Variants in RPTOR observed in about 807,000 individuals in gnomAD.
RPTOR encodes regulatory-associated protein of mTOR.
Under a neutral mutation model 169.9 loss-of-function variants are expected in RPTOR, and 21 were observed. The ratio of observed to expected loss-of-function variants is 0.12; its 90% confidence interval spans 0.09 to 0.18. The LOEUF (loss-of-function observed/expected upper bound fraction) is 0.18. RPTOR is among the 10% of genes least tolerant of loss of function. The pLI is 1.00. For missense variants in RPTOR, 1,133 were observed against 1,855.9 expected, an observed-to-expected ratio of 0.61 and a Z score of 7.16; for synonymous variants, 732 against 753.2, an observed-to-expected ratio of 0.97 and a Z score of 0.46.
At position 80,609,329 on chromosome 17, in the gene RPTOR, C is replaced by T. The variant is rs11655832; in HGVS notation, c.163-16362C>T. 1.1e-3 allele frequency among the ~76,000 whole-genome samples: 167 copies of T among 152,320 alleles called. No homozygotes were observed. The highest frequency in any genetic ancestry group is 6.8e-3 in the Middle Eastern group (2 of 294). On this transcript the variant is annotated intron_variant, in intron 1 of 33. Transcript: ENST00000306801. The surrounding 1 kb of genome is among the most constrained non-coding windows in gnomAD (Gnocchi z 4.8). ...AAACGTTCTAGCTGTTAATATTCTT[C>T]CTTCTGGCAGATGGTGGGTTTCACA... is the stretch of plus-strand genomic sequence containing the variant.
intron 17 of RPTOR, among the ~76,000 whole-genome samples, chr17:80,885,703 G>A (rs932943214): frequency 3.9e-5 from 6 of 151,946 alleles, no homozygotes; most frequent in East Asian, 1.9e-4. Flanking sequence ...CACCACACTC[G>A]GCTAATTTTT....
intron 9 of RPTOR, 142 bp from the exon 10 acceptor site, chr17:80,837,780 A>G: frequency 2.6e-6 from 2 of 766,254 alleles, no homozygotes; most frequent in South Asian, 3.0e-5. Context: ...TGAAACCGTA[A>G]ACATGCCCCC....
rs1281520394 is a variant in RPTOR, at chr17:80,860,791, G to A, written c.1509+2891G>A. 1.3e-5 allele frequency among the ~76,000 whole-genome samples: 2 copies of A among 151,946 alleles called. No individual in the cohort carries two copies. Among genetic ancestry groups the A allele is most frequent in the African/African-American group, 4.8e-5 (2 of 41,346 alleles). ...AGAAGCAGCTTCCAGCCCCTCTTCC[G>A]GTTCTGGGATCTCTCACTCTTTTTC... On this transcript the variant is annotated intron_variant, in intron 13 of 33. Coordinates refer to ENST00000306801, the MANE Select transcript of RPTOR (RefSeq NM_020761.3). This position sits in a 1 kb window ranked among gnomAD's most constrained non-coding sequence, Gnocchi z 5.8.
intron 21 of RPTOR, among the ~76,000 whole-genome samples, chr17:80,916,586 G>C (rs1365739238): frequency 2.0e-5 from 3 of 152,252 alleles, no homozygotes; most frequent in Non-Finnish European, 4.4e-5. Context: ...GTGGGTCCAA[G>C]TAAAAACTCG....
At chr17:80,963,119 G>T in intron 33 of RPTOR, 62 bp downstream of exon 33, 1 of 1,376,340 alleles carries the variant, frequency 7.3e-7, no homozygotes, top group East Asian at 2.5e-5. Flanking sequence ...TGGGAGGCAA[G>T]GGGACAAGGC....
In RPTOR at chr17:80,960,053, C is replaced by G. The variant is rs902566558; in HGVS notation, c.3478-25C>G. The G allele has an allele frequency of 2.5e-6, 4 of 1,611,924 alleles. No homozygotes were observed. Among genetic ancestry groups the G allele is most frequent in the Non-Finnish European group, 3.4e-6 (4 of 1,179,124 alleles). On this transcript the variant is annotated intron_variant, in intron 29 of 33. Coordinates refer to ENST00000306801, the MANE Select transcript of RPTOR (RefSeq NM_020761.3). This position sits in a 1 kb window ranked among gnomAD's most constrained non-coding sequence, Gnocchi z 4.8. The stretch of plus-strand genomic sequence containing the variant: ...GGGTGGCTCGGTGCCCCGGTCTTCA[C>G]CGGGCTGCCTGTGTTTGGCTCTAGG...
chr17:80,839,424 G>C (rs777870529), intron 10 of RPTOR, among the ~76,000 whole-genome samples: 1 of 152,150 alleles, frequency 6.6e-6, no homozygotes, highest in African/African-American at 2.4e-5. Context: ...CCCCATCTTT[G>C]TATTCATGGG....
chr17:80,793,219 T>C (rs1421577021), intron 7 of RPTOR, among the ~76,000 whole-genome samples: 1 of 152,232 alleles, frequency 6.6e-6, no homozygotes, highest in Admixed American at 6.5e-5. Context: ...CCAAAAAACT[T>C]AACTGGTAAG....
Position 80,841,251 on chromosome 17 carries a change from T to A in RPTOR, c.1212+3254T>A, listed in dbSNP as rs1184517546. On this transcript the variant is annotated intron_variant, in intron 10 of 33. Transcript: ENST00000306801. Reference sequence around the variant, plus strand: ...TCACTCTCACCGCACGGCAGCTCACTCTCACCGCACCGCAGCTCACTCTCA... The same window carrying A: ...TCACTCTCACCGCACGGCAGCTCACACTCACCGCACCGCAGCTCACTCTCA... Among the ~76,000 whole-genome samples, 113 of 45,084 alleles carry A rather than the reference T, an allele frequency of 2.5e-3. 1 individual carries two copies. The highest frequency in any genetic ancestry group is 4.2e-3 in the Non-Finnish European group (92 of 21,692). The allele number at this position is 45,084 out of a possible 152,430, so 29.6% of individuals were successfully genotyped here. A position where few individuals can be genotyped will look rare whatever the true frequency, so the allele number is the denominator to read the frequency against.
chr17:80,568,658 A>C lies in RPTOR; in HGVS notation c.162+22867A>C, dbSNP rs139589645. On this transcript the variant is annotated intron_variant, in intron 1 of 33. Transcript: ENST00000306801. ...CTGCCATTATTTTTCCAGTTTTCCT[A>C]TCTCTCCCCTTGTTCCTCCTCAATC... Among the ~76,000 whole-genome samples the C allele has an allele frequency of 2.0e-5, 3 of 152,164 alleles. No homozygotes were observed. In the East Asian group the frequency reaches 5.8e-4, roughly 29 times the overall value.
At chr17:80,799,928 G>C (rs1489388928) in intron 7 of RPTOR, among the ~76,000 whole-genome samples, 1 of 152,226 alleles carries the variant, frequency 6.6e-6, no homozygotes, top group Non-Finnish European at 1.5e-5. Context: ...CCATGCCCAT[G>C]TGTCCTTGCC....
rs111956900 is a variant in RPTOR at position 80,925,223 on chromosome 17, G to A, written c.2809-147G>A. The A allele has an allele frequency of 2.1e-4, 134 of 648,668 alleles. 3 individuals are homozygous for A. The African/African-American group carries it at 2.1e-3, about 10-fold the overall frequency. 40.2% of individuals were successfully genotyped at this position (648,668 alleles called of 1,614,324 possible). ...TTCTTGGTCACCAGGATACGGAAGT[G>A]AGCAGAGCACAGAAGTGCCGTCCTT... On this transcript the variant is annotated intron_variant, in intron 23 of 33. Transcript: ENST00000306801.
rs117165611 is a variant in RPTOR at position 80,824,818 on chromosome 17, G to T, written c.1136+1595G>T. 7.2e-5 allele frequency among the ~76,000 whole-genome samples: 11 copies of T among 152,346 alleles called. No individual in the cohort carries two copies. In the South Asian group the frequency reaches 2.3e-3, roughly 32 times the overall value. ...CCTCCTATCTGATGTGCTCAGCTGC[G>T]CAGAGTTAAAGACAGTGACATCACA... is the stretch of plus-strand genomic sequence containing the variant. On this transcript the variant is annotated intron_variant, in intron 9 of 33. Coordinates refer to ENST00000306801, the MANE Select transcript of RPTOR (RefSeq NM_020761.3).
intron 1 of RPTOR, among the ~76,000 whole-genome samples, chr17:80,615,249 C>T (rs1010137125): frequency 3.6e-4 from 55 of 152,120 alleles, no homozygotes; most frequent in Non-Finnish European, 1.6e-4. Flanking sequence ...GACCTGCCAC[C>T]GCCTCCTGAA....
In RPTOR at chr17:80,936,860, T is replaced by C. The variant is rs545092315; in HGVS notation, c.2920-3636T>C. Among the ~76,000 whole-genome samples, 5 of 152,346 alleles carry C rather than the reference T, an allele frequency of 3.3e-5. No individual in the cohort carries two copies. The South Asian group carries it at 1.0e-3, about 32-fold the overall frequency. ...GCAAGCTCCGAGCTTCATTCAGAGC[T>C]TCTCCCCCCTCCACAGCTTGGCGAT... On this transcript the variant is annotated intron_variant, in intron 24 of 33. Coordinates refer to ENST00000306801, the MANE Select transcript of RPTOR (RefSeq NM_020761.3). The surrounding 1 kb of genome is among the most constrained non-coding windows in gnomAD (Gnocchi z 4.1).
At chr17:80,943,671 C>T (rs2069062134) in intron 25 of RPTOR, among the ~76,000 whole-genome samples, 1 of 152,116 alleles carries the variant, frequency 6.6e-6, no homozygotes, top group Non-Finnish European at 1.5e-5. Flanking sequence ...CCACTCCCCA[C>T]AGGGAAGACT....
Position 80,756,462 on chromosome 17 carries a change from G to A in RPTOR, c.830+2277G>A, listed in dbSNP as rs146640698. On this transcript the variant is annotated intron_variant, in intron 6 of 33. Coordinates refer to ENST00000306801, the MANE Select transcript of RPTOR (RefSeq NM_020761.3). ...TTACGGTTAACAGAAATAATTTATTGGATATTTCAAAATAGCTTGGAGAGA... is the reference window on the plus strand; with the variant it reads ...TTACGGTTAACAGAAATAATTTATTAGATATTTCAAAATAGCTTGGAGAGA... 1.7e-4 allele frequency among the ~76,000 whole-genome samples: 26 copies of A among 152,298 alleles called. No individual in the cohort carries two copies. In the East Asian group the frequency reaches 4.6e-3, roughly 27 times the overall value.
chr17:80,880,123 G>T (rs2068169515), intron 13 of RPTOR, among the ~76,000 whole-genome samples: 1 of 152,216 alleles, frequency 6.6e-6, no homozygotes, highest in African/African-American at 2.4e-5. Context: ...GAGGAGCGGG[G>T]TGCAGGCAGG....
At chr17:80,871,215 C>T (rs1301121210) in intron 13 of RPTOR, among the ~76,000 whole-genome samples, 2 of 152,202 alleles carry the variant, frequency 1.3e-5, no homozygotes, top group Non-Finnish European at 2.9e-5. Context: ...ACGCCATTCT[C>T]CTGCCTCAGC....
Sources: allele counts gnomAD v4.1 joint callset (sites outside exome capture counted in the v4.1 genomes callset), GRCh38; gene constraint gnomAD v4.1.1; non-coding constraint Gnocchi (gnomAD v3.1); transcripts MANE v1.5; gene names NCBI Gene and HGNC (gene_info 2026-07-23, HGNC 2026-07-21).